ROBO2: variants seen among roughly 807,000 people sequenced by gnomAD.
The protein encoded by ROBO2 is roundabout guidance receptor 2, also known as roundabout homolog 2.
ROBO2 carries 53 observed loss-of-function variants against 160.8 expected under a neutral mutation model. The observed-to-expected ratio is 0.33, with a 90% CI of 0.26 to 0.41. ROBO2 has a LOEUF of 0.41. Ranked by LOEUF, ROBO2 falls within the 10% of genes least tolerant of loss-of-function variation. The probability of loss-of-function intolerance (pLI) is 1.00; values close to 1 mark genes in which losing one functional copy is unlikely to be tolerated. For synonymous variants in ROBO2, 664 were observed against 611.7 expected (o/e 1.09, Z -1.26); for missense variants, 1,577 against 1,722.4 (o/e 0.92, Z 1.49).
intron 2 of ROBO2, among the ~76,000 whole-genome samples, chr3:76,070,615 G>A (rs1210849715): frequency 6.6e-6 from 1 of 152,104 alleles, no homozygotes; most frequent in East Asian, 1.9e-4. Flanking sequence ...AGTACTTGAT[G>A]TCTGTCACCC....
intron 2 of ROBO2, among the ~76,000 whole-genome samples, chr3:77,127,238 C>A (rs1273702094): frequency 6.6e-6 from 1 of 152,080 alleles, no homozygotes; most frequent in Non-Finnish European, 1.5e-5. Flanking sequence ...TCAAATGTGA[C>A]AGTCCGGTGC....
At chr3:76,068,004 C>T (rs1314840371) in intron 2 of ROBO2, among the ~76,000 whole-genome samples, 1 of 152,082 alleles carries the variant, frequency 6.6e-6, no homozygotes, top group Admixed American at 6.6e-5. Context: ...ATATTTAAAA[C>T]TCTTAATATG....
At chr3:77,575,502 T>A in intron 14 of ROBO2, among the ~76,000 whole-genome samples, 1 of 152,092 alleles carries the variant, frequency 6.6e-6, no homozygotes, top group East Asian at 1.9e-4. Flanking sequence ...TGTATATAGG[T>A]TGCCCACGTT....
Position 77,433,486 on chromosome 3 carries a change from G to GTACATATATATA in ROBO2, c.389-43926_389-43925insCATATATATATA, listed in dbSNP as rs1325507347. Among the ~76,000 whole-genome samples the GTACATATATATA allele has an allele frequency of 4.6e-4, 46 of 99,412 alleles. 3 individuals carry two copies. Among genetic ancestry groups the GTACATATATATA allele is most frequent in the South Asian group, 1.8e-3 (5 of 2,830 alleles). The allele number at this position is 99,412 out of a possible 152,430, so 65.2% of individuals were successfully genotyped here. On this transcript the variant is annotated intron_variant, in intron 2 of 25. Transcript: ENST00000461745. The stretch of plus-strand genomic sequence containing the variant: ...GATTTTCCTTCTTCTCTGGCAACTT[G>GTACATATATATA]TATATATATATATATATATATATAT...
chr3:76,727,637 T>TAGGA (rs2093573648), intron 2 of ROBO2, among the ~76,000 whole-genome samples: 1 of 152,088 alleles, frequency 6.6e-6, no homozygotes, highest in Non-Finnish European at 1.5e-5. Context: ...TGGAATAAGT[T>TAGGA]GGGCACGGAA....
intron 2 of ROBO2, among the ~76,000 whole-genome samples, chr3:76,353,608 G>A (rs1433813312): frequency 6.6e-6 from 1 of 151,842 alleles, no homozygotes; most frequent in Non-Finnish European, 1.5e-5. Flanking sequence ...AGCAGAAAAT[G>A]AAGAAGTCTA....
intron 2 of ROBO2, among the ~76,000 whole-genome samples, chr3:76,392,018 A>G (rs767875929): frequency 6.6e-6 from 1 of 152,178 alleles, no homozygotes; most frequent in Non-Finnish European, 1.5e-5. Context: ...AAACATATAT[A>G]TGAGCATTCT....
intron 2 of ROBO2, among the ~76,000 whole-genome samples, chr3:76,869,805 C>T (rs1461551561): frequency 6.6e-6 from 1 of 152,078 alleles, no homozygotes; most frequent in Non-Finnish European, 1.5e-5. Context: ...CTATTTATAT[C>T]TTTAGACCAT....
intron 2 of ROBO2, among the ~76,000 whole-genome samples, chr3:76,908,953 T>G (rs1475865201): frequency 6.6e-6 from 1 of 152,202 alleles, no homozygotes; most frequent in African/African-American, 2.4e-5. Context: ...CTAGTTTAGG[T>G]GCAGTGGTTC....
At chr3:76,147,069 A>G (rs1046678585) in intron 2 of ROBO2, among the ~76,000 whole-genome samples, 1 of 151,510 alleles carries the variant, frequency 6.6e-6, no homozygotes, top group African/African-American at 2.4e-5. Flanking sequence ...CCCCAATGAC[A>G]TAAGTTTACC....
intron 1 of ROBO2, among the ~76,000 whole-genome samples, chr3:75,909,884 A>G (rs1946494320): frequency 6.6e-6 from 1 of 152,198 alleles, no homozygotes; most frequent in Non-Finnish European, 1.5e-5. Flanking sequence ...CTAATTTAGA[A>G]ATATTATTCT....
chr3:77,493,409 T>C (rs1266225094), intron 5 of ROBO2, 27 bp downstream of exon 5: 1 of 1,612,438 alleles, frequency 6.2e-7, no homozygotes, highest in Non-Finnish European at 8.5e-7. Context: ...GATGGAAGAT[T>C]GTTAGATAAC....
intron 2 of ROBO2, among the ~76,000 whole-genome samples, chr3:76,504,517 CTCT>C (rs2080672006): frequency 3.4e-5 from 4 of 119,314 alleles, no homozygotes; most frequent in South Asian, 2.7e-4. Flanking sequence ...TTAGAAAATA[CTCT>C]TTTTTTTTTT....
chr3:77,192,345 T>G (rs2081930652), intron 2 of ROBO2, among the ~76,000 whole-genome samples: 1 of 152,162 alleles, frequency 6.6e-6, no homozygotes, highest in African/African-American at 2.4e-5. Context: ...ATAAAGTCCG[T>G]GGGTCATACT....
chr3:77,215,441 AAGGACTTCT>A (rs1477337618), intron 2 of ROBO2, among the ~76,000 whole-genome samples: 1 of 152,084 alleles, frequency 6.6e-6, no homozygotes, highest in Non-Finnish European at 1.5e-5. Context: ...CAGGTCCTTT[AAGGACTTCT>A]CTGCACTGGT....
intron 2 of ROBO2, among the ~76,000 whole-genome samples, chr3:77,388,507 C>A (rs1254609609): frequency 1.3e-5 from 2 of 152,140 alleles, no homozygotes; most frequent in Non-Finnish European, 2.9e-5. Context: ...CTCTTTATTT[C>A]TCTACTTTCT....
At chr3:76,940,689 A>C (rs2149109045) in intron 2 of ROBO2, among the ~76,000 whole-genome samples, 1 of 152,310 alleles carries the variant, frequency 6.6e-6, no homozygotes, top group African/African-American at 2.4e-5. Flanking sequence ...TTGATCTTAC[A>C]ACTGATCTCA....
chr3:76,135,880 A>G (rs2106714921), intron 2 of ROBO2, among the ~76,000 whole-genome samples: 1 of 152,268 alleles, frequency 6.6e-6, no homozygotes, highest in African/African-American at 2.4e-5. Flanking sequence ...CGTGTGCTGA[A>G]GAGGAAATAT....
At chr3:76,764,319 A>G (rs1443040464) in intron 2 of ROBO2, among the ~76,000 whole-genome samples, 3 of 151,742 alleles carry the variant, frequency 2.0e-5, no homozygotes, top group African/African-American at 7.2e-5. Context: ...TTGAGCATCC[A>G]TAGTTTGTTT....
Sources: allele counts gnomAD v4.1 joint callset (sites outside exome capture counted in the v4.1 genomes callset), GRCh38; gene constraint gnomAD v4.1.1; transcripts MANE v1.5; gene names NCBI Gene and HGNC (gene_info 2026-07-23, HGNC 2026-07-21).